GALNTL6: variants seen among roughly 807,000 people sequenced by gnomAD.
GALNTL6 encodes polypeptide N-acetylgalactosaminyltransferase-like 6.
Under a neutral mutation model 73.7 loss-of-function variants are expected in GALNTL6, and 46 were observed. The observed-to-expected ratio is 0.62, with a 90% CI of 0.49 to 0.80. The LOEUF (loss-of-function observed/expected upper bound fraction) is 0.80. Ranked by LOEUF, GALNTL6 falls within the 30% of genes least tolerant of loss-of-function variation. The pLI is 0.00. For synonymous variants in GALNTL6, 259 were observed against 263.7 expected (o/e 0.98, Z 0.17); for missense variants, 604 against 755.0 (o/e 0.80, Z 2.34).
chr4:172,707,204 G>A (rs571643493), intron 5 of GALNTL6, among the ~76,000 whole-genome samples: 1 of 152,220 alleles, frequency 6.6e-6, no homozygotes, highest in African/African-American at 2.4e-5. Flanking sequence ...CACAGCCTCT[G>A]TTGTGAGTTT....
intron 5 of GALNTL6, among the ~76,000 whole-genome samples, chr4:172,502,487 A>G (rs1477076610): frequency 3.4e-5 from 2 of 58,070 alleles, no homozygotes; most frequent in African/African-American, 8.5e-5. Flanking sequence ...ACTTTGGCTC[A>G]TCTATTTGAT....
chr4:172,120,671 G>A (rs1048831063), intron 2 of GALNTL6, among the ~76,000 whole-genome samples: 1 of 152,014 alleles, frequency 6.6e-6, no homozygotes, highest in African/African-American at 2.4e-5. Context: ...AAAGTCGGGG[G>A]GTGGGGTGGG....
chr4:172,886,449 A>C (rs990216990), intron 8 of GALNTL6, among the ~76,000 whole-genome samples: 1 of 152,082 alleles, frequency 6.6e-6, no homozygotes, highest in African/African-American at 2.4e-5. Context: ...GTCTGGCTAA[A>C]GAGTTGTTAC....
chr4:172,324,191 A>G (rs1453984716), intron 4 of GALNTL6, among the ~76,000 whole-genome samples: 1 of 152,026 alleles, frequency 6.6e-6, no homozygotes, highest in African/African-American at 2.4e-5. Context: ...TAACATAATT[A>G]AGGAATCCTT....
intron 2 of GALNTL6, among the ~76,000 whole-genome samples, chr4:171,936,105 T>TAAAAAAC (rs1738337833): frequency 6.6e-6 from 1 of 152,158 alleles, no homozygotes; most frequent in African/African-American, 2.4e-5. Flanking sequence ...TTTCCTACAT[T>TAAAAAAC]AGTAAGGAGC....
chr4:172,675,325 A>G (rs1732222251), intron 5 of GALNTL6, among the ~76,000 whole-genome samples: 1 of 152,196 alleles, frequency 6.6e-6, no homozygotes, highest in Non-Finnish European at 1.5e-5. Context: ...TGGCTCCCCA[A>G]GGTTTGGAAT....
chr4:172,891,977 T>G (rs1232189820), intron 8 of GALNTL6, among the ~76,000 whole-genome samples: 2 of 152,220 alleles, frequency 1.3e-5, no homozygotes, highest in African/African-American at 4.8e-5. Context: ...TCAGTTTGGT[T>G]TTCTTAATAT....
At chr4:172,232,667 G>A (rs1000206932) in intron 3 of GALNTL6, among the ~76,000 whole-genome samples, 1 of 152,024 alleles carries the variant, frequency 6.6e-6, no homozygotes, top group African/African-American at 2.4e-5. Context: ...TCTCACTGCT[G>A]TACATCCTTG....
intron 2 of GALNTL6, among the ~76,000 whole-genome samples, chr4:171,868,448 T>A (rs1237185790): frequency 6.6e-6 from 1 of 152,190 alleles, no homozygotes; most frequent in Non-Finnish European, 1.5e-5. Flanking sequence ...GGCAAAGTCG[T>A]CTCTTCTCTT....
chr4:172,042,369 C>G (rs931224390), intron 2 of GALNTL6, among the ~76,000 whole-genome samples: 4 of 151,978 alleles, frequency 2.6e-5, no homozygotes, highest in African/African-American at 4.8e-5. Context: ...CTGTATATGG[C>G]ACATAAAAAT....
chr4:172,148,080 CAA>C (rs1187316844), intron 2 of GALNTL6, among the ~76,000 whole-genome samples: 2 of 151,902 alleles, frequency 1.3e-5, no homozygotes, highest in Non-Finnish European at 2.9e-5. Flanking sequence ...TGGTATGACT[CAA>C]AGAATCACAA....
chr4:172,953,438 C>T (rs1001835557), intron 10 of GALNTL6, among the ~76,000 whole-genome samples: 4 of 152,184 alleles, frequency 2.6e-5, no homozygotes, highest in African/African-American at 7.2e-5. Context: ...TTGATTGTCT[C>T]GCATTGTGGA....
intron 3 of GALNTL6, among the ~76,000 whole-genome samples, chr4:172,260,896 G>A (rs12647546): frequency 0.11 from 16,074 of 151,440 alleles, 998 homozygotes; most frequent in East Asian, 0.29. Context: ...TTTATGTGAT[G>A]TATCACAATT....
chr4:171,901,693 C>G (rs1737103712), intron 2 of GALNTL6, among the ~76,000 whole-genome samples: 1 of 152,122 alleles, frequency 6.6e-6, no homozygotes, highest in Admixed American at 6.5e-5. Context: ...GAGAGGCTGT[C>G]TGAATTTGAA....
At chr4:172,529,774 C>T (rs1735105785) in intron 5 of GALNTL6, among the ~76,000 whole-genome samples, 1 of 151,964 alleles carries the variant, frequency 6.6e-6, no homozygotes, top group Non-Finnish European at 1.5e-5. Context: ...CAATGTCTGC[C>T]TCTTGGGCTC....
At chr4:173,005,753 C>T (rs138835073) in intron 10 of GALNTL6, among the ~76,000 whole-genome samples, 383 of 152,248 alleles carry the variant, frequency 2.5e-3, no homozygotes, top group Non-Finnish European at 4.5e-3. Flanking sequence ...AGCTGCCTAC[C>T]TTATCCTATA....
intron 10 of GALNTL6, among the ~76,000 whole-genome samples, chr4:172,963,611 T>G (rs1282207449): frequency 6.6e-6 from 1 of 152,154 alleles, no homozygotes; most frequent in Admixed American, 6.5e-5. Flanking sequence ...CTCCCTGTTG[T>G]CCCACCTGCC....
intron 2 of GALNTL6, among the ~76,000 whole-genome samples, chr4:172,118,892 C>CT (rs1161466469): frequency 6.6e-6 from 1 of 151,518 alleles, no homozygotes; most frequent in African/African-American, 2.4e-5. Flanking sequence ...ATGCTTCTAG[C>CT]TTTTTTCCAG....
intron 5 of GALNTL6, among the ~76,000 whole-genome samples, chr4:172,445,854 T>C (rs1732000681): frequency 6.6e-6 from 1 of 152,126 alleles, no homozygotes; most frequent in Non-Finnish European, 1.5e-5. Context: ...AAAATATAAA[T>C]TAAGAAAAGA....
Sources: allele counts gnomAD v4.1 joint callset (sites outside exome capture counted in the v4.1 genomes callset), GRCh38; gene constraint gnomAD v4.1.1; transcripts MANE v1.5; gene names NCBI Gene and HGNC (gene_info 2026-07-23, HGNC 2026-07-21).